The following BMPR2 variants were observed in gnomAD, a reference collection of about 807,000 sequenced individuals.
BMPR2 encodes bone morphogenetic protein receptor type 2.
Under a neutral mutation model 100.8 loss-of-function variants are expected in BMPR2, and 29 were observed. That is an observed-to-expected ratio of 0.29 (90% CI 0.21 to 0.39). The LOEUF is 0.39. BMPR2 is among the 10% of genes least tolerant of loss of function. The probability of loss-of-function intolerance (pLI) is 1.00; values close to 1 mark genes in which losing one functional copy is unlikely to be tolerated. For synonymous variants in BMPR2, 382 were observed against 442.3 expected (o/e 0.86, Z 1.71); for missense variants, 1,011 against 1,274.5 (o/e 0.79, Z 3.15).
chr2:202,421,951 C>G (rs967515815), intron 1 of BMPR2, among the ~76,000 whole-genome samples: 1 of 152,120 alleles, frequency 6.6e-6, no homozygotes, highest in Admixed American at 6.6e-5. Flanking sequence ...GCTCTATTGC[C>G]AGGCTGGAGT....
chr2:202,393,932 A>AGAGAGAGATT (rs1553494924), intron 1 of BMPR2, among the ~76,000 whole-genome samples: 51 of 123,024 alleles, frequency 4.1e-4, no homozygotes, highest in Middle Eastern at 4.7e-3. Flanking sequence ...AGAGAGAGAG[A>AGAGAGAGATT]GATTCCTGTG....
rs1688766121 is a variant in BMPR2, at chr2:202,566,549, A to G, written c.*6603A>G. ...GAAGCACTGACTTAAAACGACTTACATTTCTGTTCTTTGGTCAAATGACCA... is the reference window on the plus strand; with the variant it reads ...GAAGCACTGACTTAAAACGACTTACGTTTCTGTTCTTTGGTCAAATGACCA... On this transcript the variant is annotated 3_prime_UTR_variant, in exon 13 of 13. Transcript: ENST00000374580. 1 of 152,268 alleles carries G rather than the reference A, an allele frequency of 6.6e-6. No homozygotes were observed. Among genetic ancestry groups the G allele is most frequent in the African/African-American group, 2.4e-5 (1 of 41,458 alleles). The allele number at this position is 152,268 out of a possible 1,614,324, so 9.4% of individuals were successfully genotyped here.
intron 3 of BMPR2, among the ~76,000 whole-genome samples, chr2:202,502,379 GAGAC>G (rs895918851): frequency 2.1e-4 from 32 of 151,814 alleles, no homozygotes; most frequent in Middle Eastern, 6.8e-3. Context: ...GTCAAAGAAA[GAGAC>G]AGAGAAGAGA....
At chr2:202,427,180 G>A (rs1398565850) in intron 1 of BMPR2, among the ~76,000 whole-genome samples, 3 of 151,834 alleles carry the variant, frequency 2.0e-5, no homozygotes, top group African/African-American at 4.8e-5. Flanking sequence ...TGAGACCCCC[G>A]TCTCTACAGA....
intron 1 of BMPR2, among the ~76,000 whole-genome samples, chr2:202,451,936 T>G (rs539752742): frequency 1.5e-4 from 23 of 152,130 alleles, no homozygotes; most frequent in African/African-American, 5.5e-4. Flanking sequence ...GTGTTTTTAG[T>G]AGAGATGCGG....
intron 4 of BMPR2, 70 bp from the exon 5 acceptor site, chr2:202,514,818 T>G (rs1687683968): frequency 8.1e-7 from 1 of 1,241,850 alleles, no homozygotes; most frequent in Non-Finnish European, 1.2e-6. Flanking sequence ...AGTGTAATAT[T>G]ATAAAAAGTG....
At chr2:202,445,064 G>T (rs938663149) in intron 1 of BMPR2, among the ~76,000 whole-genome samples, 4 of 149,980 alleles carry the variant, frequency 2.7e-5, no homozygotes, top group Non-Finnish European at 5.9e-5. Flanking sequence ...CTCGGATTAC[G>T]GGTGTGAGCC....
At chr2:202,439,379 T>C (rs748419639) in intron 1 of BMPR2, among the ~76,000 whole-genome samples, 2 of 147,910 alleles carry the variant, frequency 1.4e-5, no homozygotes, top group Non-Finnish European at 2.9e-5. Flanking sequence ...GATTTGCTTA[T>C]ATACAAGCAA....
chr2:202,455,398 AT>A (rs1692073303), intron 1 of BMPR2, among the ~76,000 whole-genome samples: 1 of 152,174 alleles, frequency 6.6e-6, no homozygotes, highest in Non-Finnish European at 1.5e-5. Context: ...AAAAATAAAA[AT>A]AAAAAAATAT....
At chr2:202,504,804 C>T (rs566677481) in intron 3 of BMPR2, among the ~76,000 whole-genome samples, 93 of 151,654 alleles carry the variant, frequency 6.1e-4, no homozygotes, top group Non-Finnish European at 8.4e-4. Context: ...CTCAGCCTCC[C>T]GAGTAGCTGG....
At chr2:202,392,862 C>T (rs1346496686) in intron 1 of BMPR2, among the ~76,000 whole-genome samples, 2 of 151,950 alleles carry the variant, frequency 1.3e-5, no homozygotes, top group Non-Finnish European at 2.9e-5. Context: ...CGTGGTGGCA[C>T]ATGCCTGTAA....
rs752661596 is a variant in BMPR2, at chr2:202,520,141, C to T, written c.907C>T (p.Arg303Cys). The T allele has an allele frequency of 4.3e-6, 7 of 1,613,270 alleles. No homozygotes were observed. The highest frequency in any genetic ancestry group is 2.2e-5 in the South Asian group (2 of 91,048). The change falls in exon 7 of 13, where the codon CGT becomes TGT. Residue 303 changes from arginine to cysteine, a missense_variant. By Grantham distance (180) the Arg-to-Cys change is radical. Transcript: ENST00000374580. ...CACAAGTGACTGGGTAAGCTCTTGC[C>T]GTCTTGCTCATTCTGTTACTAGAGG... is the stretch of plus-strand genomic sequence containing the variant. Reference protein sequence around the residue: ...LHTSDWVSSCRLAHSVTRGLA... With the variant: ...LHTSDWVSSCCLAHSVTRGLA...
At chr2:202,504,704 G>C (rs1236428281) in intron 3 of BMPR2, among the ~76,000 whole-genome samples, 1 of 131,448 alleles carries the variant, frequency 7.6e-6, no homozygotes, top group African/African-American at 2.9e-5. Context: ...TTTTTTGAGA[G>C]AGTCGCACTC....
chr2:202,518,860 C>A lies in BMPR2; in HGVS notation c.660C>A (p.Gly220=), dbSNP rs750524280. 6.8e-6 allele frequency: 11 copies of A among 1,614,186 alleles called. No individual in the cohort carries two copies. The South Asian group carries it at 1.2e-4, about 18-fold the overall frequency. The change falls in exon 6 of 13, where the codon GGC becomes GGA. Residue 220 remains glycine, a synonymous_variant. Coordinates refer to ENST00000374580, the MANE Select transcript of BMPR2 (RefSeq NM_001204.7). The part of the protein sequence containing the change: ...GRGRYGAVYK[G]SLDERPVAVK... ...GTCGATATGGAGCAGTATATAAAGG[C>A]TCCTTGGATGAGCGTCCAGTTGCTG... is the stretch of plus-strand genomic sequence containing the variant.
rs767197405 is a variant in BMPR2 at position 202,555,883 on chromosome 2, A to G, written c.2218A>G (p.Thr740Ala). The change falls in exon 12 of 13, where the codon ACT becomes GCT. Residue 740 changes from threonine to alanine, a missense_variant. Physicochemically the swap from Thr to Ala is moderately conservative, Grantham distance 58. Transcript: ENST00000374580. ...ATGTTTGATTCCTGATGTTCTGCCTACTCAGATCTATCCTCTCCCCAAGCA... is the reference window on the plus strand; with the variant it reads ...ATGTTTGATTCCTGATGTTCTGCCTGCTCAGATCTATCCTCTCCCCAAGCA... ...QACLIPDVLP[T>A]QIYPLPKQQN... The G allele has an allele frequency of 3.7e-6, 6 of 1,614,028 alleles. No homozygotes were observed. The highest frequency in any genetic ancestry group is 3.3e-5 in the Admixed American group (2 of 59,998).
In BMPR2 at chr2:202,376,701, AG is replaced by A. The variant is rs1387217596; in HGVS notation, c.-770del. ...AGGGAGCGCCGCCGGGAGGACTAGA[AG>A]GGGCAGCCTCTCACACCCACTCCGC... On this transcript the variant is annotated 5_prime_UTR_variant, in exon 1 of 13. Transcript: ENST00000374580. Among the ~76,000 whole-genome samples, 3 of 149,596 alleles carry A rather than the reference AG, an allele frequency of 2.0e-5. No homozygotes were observed. Among genetic ancestry groups the A allele is most frequent in the Non-Finnish European group, 4.4e-5 (3 of 67,452 alleles).
Position 202,567,624 on chromosome 2 carries a change from A to G in BMPR2, c.*7678A>G, listed in dbSNP as rs1347892537. ...TAAATGCTTTGATATATATAAACCT[A>G]AATAAAAAGATTGTATTGATACAGA... On this transcript the variant is annotated 3_prime_UTR_variant, in exon 13 of 13. Coordinates refer to ENST00000374580, the MANE Select transcript of BMPR2 (RefSeq NM_001204.7). 6.6e-6 allele frequency: 1 copy of G among 152,646 alleles called. No individual in the cohort carries two copies. The highest frequency in any genetic ancestry group is 1.5e-5 in the Non-Finnish European group (1 of 68,042). 9.5% of individuals were successfully genotyped at this position (152,646 alleles called of 1,614,324 possible). A position where few individuals can be genotyped will look rare whatever the true frequency, so the allele number is the denominator to read the frequency against.
chr2:202,563,595 C>A lies in BMPR2; in HGVS notation c.*3649C>A, dbSNP rs1688710751. On this transcript the variant is annotated 3_prime_UTR_variant, in exon 13 of 13. Transcript: ENST00000374580. Reference sequence around the variant, plus strand: ...TTGAGAAATAATTACTAATTCTAGACAAAACTCAATCCTGTATCTTCCATC... The same window carrying A: ...TTGAGAAATAATTACTAATTCTAGAAAAAACTCAATCCTGTATCTTCCATC... 1 of 152,166 alleles carries A rather than the reference C, an allele frequency of 6.6e-6. No individual in the cohort carries two copies. Among genetic ancestry groups the A allele is most frequent in the South Asian group, 2.1e-4 (1 of 4,832 alleles). The allele number at this position is 152,166 out of a possible 1,614,324, so 9.4% of individuals were successfully genotyped here. A position where few individuals can be genotyped will look rare whatever the true frequency, so the allele number is the denominator to read the frequency against.
chr2:202,532,713 A>T lies in BMPR2; in HGVS notation c.1257A>T (p.Arg419Ser), dbSNP rs1085307323. ...LGLIYWEIFM[R>S]CTDLFPGESV... ...TAATCTATTGGGAGATATTTATGAG[A>T]TGTACAGACCTCTTCCCAGGTAAAA... The change falls in exon 9 of 13, where the codon AGA (arginine) becomes AGT (serine). Residue 419 changes from arginine (R) to serine (S), a missense_variant. Around this residue, in one of 6 missense-constraint regions of BMPR2, gnomAD observed 83 missense variants for 140.7 expected, o/e 0.59. Coordinates refer to ENST00000374580, the MANE Select transcript of BMPR2 (RefSeq NM_001204.7). This position sits in a 1 kb window ranked among gnomAD's most constrained non-coding sequence, Gnocchi z 4.1. 6.2e-7 allele frequency: 1 copy of T among 1,613,172 alleles called. No homozygotes were observed. Among genetic ancestry groups the T allele is most frequent in the East Asian group, 2.2e-5 (1 of 44,840 alleles).
Sources: allele counts gnomAD v4.1 joint callset (sites outside exome capture counted in the v4.1 genomes callset), GRCh38; gene constraint gnomAD v4.1.1; regional missense constraint gnomAD v4.1.1; non-coding constraint Gnocchi (gnomAD v3.1); transcripts MANE v1.5; gene names NCBI Gene and HGNC (gene_info 2026-07-23, HGNC 2026-07-21).